The following COQ3 variants were observed in gnomAD, a reference collection of about 807,000 sequenced individuals.
COQ3 encodes the protein coenzyme Q3, methyltransferase.
In COQ3, 29 loss-of-function variants were observed where a neutral mutation model predicts 33.1. That is an observed-to-expected ratio of 0.88 (90% CI 0.65 to 1.19). COQ3 has a LOEUF of 1.19. COQ3 is among the 50% of genes most tolerant of loss of function. The pLI, the probability that COQ3 is intolerant of heterozygous loss-of-function variation, is 0.00. For synonymous variants in COQ3, 173 were observed against 157.8 expected (o/e 1.10, Z -0.72); for missense variants, 437 against 430.7 (o/e 1.01, Z -0.13).
chr6:99,376,993 G>GATGT (rs1452393679), intron 4 of COQ3, among the ~76,000 whole-genome samples: 1 of 107,878 alleles, frequency 9.3e-6, no homozygotes, highest in East Asian at 2.2e-4. Flanking sequence ...CAATATTATG[G>GATGT]ATGTGTGTGT....
chr6:99,370,147 T>A (rs1774086737), intron 6 of COQ3, among the ~76,000 whole-genome samples: 1 of 152,144 alleles, frequency 6.6e-6, no homozygotes, highest in African/African-American at 2.4e-5. Flanking sequence ...TTCTTACAGG[T>A]ACAGAACTTG....
At chr6:99,370,344 C>CTTTTTTTTTTTTTTTTTTTTTTTTATTTT in intron 6 of COQ3, among the ~76,000 whole-genome samples, 1 of 101,252 alleles carries the variant, frequency 9.9e-6, no homozygotes, top group African/African-American at 3.9e-5. Flanking sequence ...CTTTTCTTTA[C>CTTTTTTTTTTTTTTTTTTTTTTTTATTTT]TTTTTTTTTT....
intron 1 of COQ3, among the ~76,000 whole-genome samples, chr6:99,390,250 G>A (rs1258073961): frequency 6.6e-6 from 1 of 151,986 alleles, no homozygotes; most frequent in Non-Finnish European, 1.5e-5. Flanking sequence ...CTAAATAGAT[G>A]TTGAACCAAT....
At position 99,376,163 on chromosome 6, in the gene COQ3, G is replaced by T. The variant is rs765163879; in HGVS notation, c.506C>A (p.Ala169Asp). The T allele has an allele frequency of 6.2e-7, 1 of 1,613,898 alleles. No homozygotes were observed. Among genetic ancestry groups the T allele is most frequent in the East Asian group, 2.2e-5 (1 of 44,864 alleles). ...LLTEPLGRLG[A>D]SVIGIDPVDE... ...CACAGGGTCGATTCCAATAACTGAA[G>T]CCCCAAGCCGCCCTAGAGGCTAATG... The change falls in exon 5 of 7, where the codon GCT becomes GAT. Residue 169 changes from alanine to aspartate, a missense_variant. Ala to Asp is a moderately radical substitution (Grantham distance 126). Coordinates refer to ENST00000254759, the MANE Select transcript of COQ3 (RefSeq NM_017421.4).
chr6:99,371,599 G>C lies in COQ3; in HGVS notation c.730-12C>G, dbSNP rs773016310. The C allele has an allele frequency of 1.3e-6, 2 of 1,556,454 alleles. No homozygotes were observed. Among genetic ancestry groups the C allele is most frequent in the Non-Finnish European group, 1.8e-6 (2 of 1,142,760 alleles). ...AAAGAACCACCGGGCTAAAAGAAAT[G>C]AAATTATATAGAAGTAAAATGTAAA... On this transcript the variant is annotated splice_polypyrimidine_tract_variant and intron_variant, in intron 5 of 6. Coordinates refer to ENST00000254759, the MANE Select transcript of COQ3 (RefSeq NM_017421.4).
At chr6:99,393,107 CT>C (rs1774875723) in intron 1 of COQ3, among the ~76,000 whole-genome samples, 1 of 151,600 alleles carries the variant, frequency 6.6e-6, no homozygotes, top group Admixed American at 6.6e-5. Flanking sequence ...AGAAAATCAC[CT>C]ACTCTACCAC....
chr6:99,381,507 A>G (rs1774471539), intron 2 of COQ3, among the ~76,000 whole-genome samples: 1 of 152,022 alleles, frequency 6.6e-6, no homozygotes, highest in Non-Finnish European at 1.5e-5. Flanking sequence ...TTCCTCAGGC[A>G]CTTCAAATAG....
intron 5 of COQ3, among the ~76,000 whole-genome samples, chr6:99,375,031 A>G (rs12214553): frequency 6.2e-4 from 91 of 146,742 alleles, no homozygotes; most frequent in South Asian, 1.5e-3. Flanking sequence ...TTGCCCAGGC[A>G]CAATCTCGGC....
chr6:99,381,765 A>T (rs1774477755), intron 2 of COQ3, among the ~76,000 whole-genome samples: 2 of 152,052 alleles, frequency 1.3e-5, no homozygotes, highest in South Asian at 4.1e-4. Flanking sequence ...GTCTCTACTA[A>T]AAATACAAAA....
At chr6:99,385,386 A>C (rs1297839987) in intron 1 of COQ3, among the ~76,000 whole-genome samples, 1 of 152,224 alleles carries the variant, frequency 6.6e-6, no homozygotes. Context: ...ATAAAGATAG[A>C]CCATATCCTG....
intron 1 of COQ3, among the ~76,000 whole-genome samples, chr6:99,388,506 C>CT (rs11375800): frequency 0.66 from 98,380 of 149,568 alleles, 32,608 homozygotes; most frequent in East Asian, 0.89. Context: ...TCTCAATAGC[C>CT]TTTTTTTTTT....
chr6:99,388,168 A>AAAAAT (rs995136408), intron 1 of COQ3, among the ~76,000 whole-genome samples: 4 of 152,274 alleles, frequency 2.6e-5, no homozygotes, highest in East Asian at 3.9e-4. Context: ...CCATCTCCAA[A>AAAAAT]AAAATAAAAT....
At chr6:99,378,147 TATATATATATTTAG>T (rs1298884599) in intron 3 of COQ3, among the ~76,000 whole-genome samples, 1 of 35,438 alleles carries the variant, frequency 2.8e-5, no homozygotes, top group Non-Finnish European at 6.6e-5. Context: ...TATATATATA[TATATATATATTTAG>T]AGAGAGAGAG....
At position 99,388,927 on chromosome 6, in the gene COQ3, ACACACACC is replaced by A. The variant is rs1262667164; in HGVS notation, c.107-5111_107-5104del. On this transcript the variant is annotated intron_variant, in intron 1 of 6. Coordinates refer to ENST00000254759, the MANE Select transcript of COQ3 (RefSeq NM_017421.4). ...CACACACACACACACACACACACAC[ACACACACC>A]CACATCCTCACTCTCTCCCACAATG... Among the ~76,000 whole-genome samples, 519 of 75,012 alleles carry A rather than the reference ACACACACC, an allele frequency of 6.9e-3. 4 individuals carry two copies. Among genetic ancestry groups the A allele is most frequent in the Non-Finnish European group, 0.012 (299 of 25,742 alleles). 49.2% of individuals were successfully genotyped at this position (75,012 alleles called of 152,430 possible).
At chr6:99,378,371 G>A (rs7745563) in intron 3 of COQ3, among the ~76,000 whole-genome samples, 1 of 151,644 alleles carries the variant, frequency 6.6e-6, no homozygotes, top group African/African-American at 2.4e-5. Flanking sequence ...TCGATCCATT[G>A]TTTAAACCAC....
At chr6:99,370,460 T>G (rs1774107649) in intron 6 of COQ3, among the ~76,000 whole-genome samples, 1 of 150,508 alleles carries the variant, frequency 6.6e-6, no homozygotes, top group South Asian at 2.1e-4. Context: ...GTGATTCTCC[T>G]GCCTCAGACT....
At chr6:99,391,639 C>T (rs1025089478) in intron 1 of COQ3, among the ~76,000 whole-genome samples, 2 of 152,154 alleles carry the variant, frequency 1.3e-5, no homozygotes, top group African/African-American at 2.4e-5. Flanking sequence ...CTCTCTCTTA[C>T]CTCCTCTATT....
chr6:99,376,823 C>T lies in COQ3; in HGVS notation c.486+563G>A, dbSNP rs904144756. 1.4e-4 allele frequency among the ~76,000 whole-genome samples: 22 copies of T among 151,938 alleles called. No homozygotes were observed. The East Asian group carries it at 4.3e-3, about 30-fold the overall frequency. On this transcript the variant is annotated intron_variant, in intron 4 of 6. Transcript: ENST00000254759. The stretch of plus-strand genomic sequence containing the variant: ...CTGTCTCTACTAAAAATTAGCTGGG[C>T]ATGGTGGCGGCAGCCCGTAATCCCA...
intron 3 of COQ3, among the ~76,000 whole-genome samples, chr6:99,379,871 T>A (rs946556336): frequency 4.0e-5 from 6 of 151,436 alleles, no homozygotes; most frequent in African/African-American, 7.3e-5. Flanking sequence ...AAAAAATAAT[T>A]AAATAAATAA....
Sources: gnomAD v4.1 joint callset for allele counts (sites outside exome capture counted in the v4.1 genomes callset) on GRCh38, gnomAD v4.1.1 for gene constraint, MANE v1.5 for transcripts, NCBI Gene and HGNC (gene_info 2026-07-23, HGNC 2026-07-21) for gene names.